The following ACSF2 variants were observed in gnomAD, a reference collection of about 807,000 sequenced individuals.
ACSF2 encodes the protein medium-chain acyl-CoA ligase ACSF2, mitochondrial.
In ACSF2, 52 loss-of-function variants were observed where a neutral mutation model predicts 79.3. The ratio of observed to expected loss-of-function variants is 0.66; its 90% CI spans 0.53 to 0.83. The LOEUF is 0.83. Ranked by LOEUF, ACSF2 falls within the 40% of genes least tolerant of loss-of-function variation. ACSF2 has a pLI of 0.00. For synonymous variants in ACSF2, 283 were observed against 312.6 expected (o/e 0.91, Z 1.00); for missense variants, 661 against 803.3 (o/e 0.82, Z 2.14).
intron 10 of ACSF2, chr17:50,467,840 G>C (rs1316571938): frequency 3.6e-6 from 2 of 558,032 alleles, no homozygotes; most frequent in African/African-American, 3.8e-5. Flanking sequence ...GGAGGGCAGT[G>C]GTCGAGACTG....
At chr17:50,436,171 C>T (rs1007948366) in intron 1 of ACSF2, among the ~76,000 whole-genome samples, 10 of 151,752 alleles carry the variant, frequency 6.6e-5, no homozygotes, top group Admixed American at 3.9e-4. Context: ...GCTCTGTTGC[C>T]CAGGCTGGAG....
intron 1 of ACSF2, among the ~76,000 whole-genome samples, chr17:50,444,689 A>AAGTT (rs2031183379): frequency 6.6e-6 from 1 of 151,892 alleles, no homozygotes; most frequent in Admixed American, 6.6e-5. Flanking sequence ...ATCTGAAAAT[A>AAGTT]AGTTGCAGGC....
intron 1 of ACSF2, among the ~76,000 whole-genome samples, chr17:50,449,049 C>T (rs1287947969): frequency 7.2e-6 from 1 of 138,076 alleles, no homozygotes; most frequent in Non-Finnish European, 1.5e-5. Flanking sequence ...TGGAGTCTCG[C>T]TCTGTCACCC....
At chr17:50,467,951 C>T (rs148107051) in intron 10 of ACSF2, 67 of 1,380,100 alleles carry the variant, frequency 4.9e-5, no homozygotes, top group Admixed American at 1.2e-4. Context: ...AACCTGGGGA[C>T]GGGGGATGGT....
At chr17:50,429,988 G>A (rs1380554383) in intron 1 of ACSF2, among the ~76,000 whole-genome samples, 2 of 152,248 alleles carry the variant, frequency 1.3e-5, no homozygotes, top group Non-Finnish European at 2.9e-5. Context: ...AACCTGGGCT[G>A]AGCAGGCTTC....
chr17:50,432,862 T>C (rs2030058495), intron 1 of ACSF2, among the ~76,000 whole-genome samples: 1 of 152,172 alleles, frequency 6.6e-6, no homozygotes, highest in South Asian at 2.1e-4. Flanking sequence ...GCTCTACCTT[T>C]GGGAGAAGAT....
At chr17:50,443,294 T>C (rs950817709) in intron 1 of ACSF2, among the ~76,000 whole-genome samples, 3 of 152,178 alleles carry the variant, frequency 2.0e-5, no homozygotes, top group Non-Finnish European at 4.4e-5. Flanking sequence ...AAACAGCTTC[T>C]CCCCTTAGAT....
At chr17:50,436,343 T>C (rs988115800) in intron 1 of ACSF2, among the ~76,000 whole-genome samples, 1 of 151,978 alleles carries the variant, frequency 6.6e-6, no homozygotes, top group African/African-American at 2.4e-5. Flanking sequence ...GTTAGCTAAG[T>C]TGGTCTCGAT....
Position 50,474,743 on chromosome 17 carries a change from G to C in ACSF2, c.*191G>C. ...TCGCCTGGGCACAAGGTGCCAAAAGGCAGGCAGCCTGCCCAGGCCCTCCCT... is the reference window on the plus strand; with the variant it reads ...TCGCCTGGGCACAAGGTGCCAAAAGCCAGGCAGCCTGCCCAGGCCCTCCCT... On this transcript the variant is annotated 3_prime_UTR_variant, in exon 16 of 16. Transcript: ENST00000300441. This position sits in a 1 kb window ranked among gnomAD's most constrained non-coding sequence, Gnocchi z 4.2. 1.7e-6 allele frequency: 1 copy of C among 591,880 alleles called. No individual in the cohort carries two copies. The highest frequency in any genetic ancestry group is 2.1e-5 in the South Asian group (1 of 47,060). The allele number at this position is 591,880 out of a possible 1,614,324, so 36.7% of individuals were successfully genotyped here. A position where few individuals can be genotyped will look rare whatever the true frequency, so the allele number is the denominator to read the frequency against.
intron 1 of ACSF2, among the ~76,000 whole-genome samples, chr17:50,451,819 C>T (rs991945918): frequency 1.3e-4 from 20 of 152,150 alleles, no homozygotes; most frequent in African/African-American, 4.8e-4. Flanking sequence ...TTTTAATTTG[C>T]GTTTCATCTG....
At chr17:50,460,588 C>A in intron 1 of ACSF2, 89 bp from the exon 2 acceptor site, 1 of 1,234,184 alleles carries the variant, frequency 8.1e-7, no homozygotes. Context: ...TGTCAGCAGC[C>A]TACCCCCTGG....
chr17:50,433,083 A>G (rs2030079607), intron 1 of ACSF2, among the ~76,000 whole-genome samples: 1 of 151,240 alleles, frequency 6.6e-6, no homozygotes, highest in South Asian at 2.1e-4. Flanking sequence ...ACACACGCAC[A>G]CACACACTTA....
chr17:50,464,168 C>T, intron 9 of ACSF2, 50 bp from the exon 10 acceptor site: 2 of 1,578,712 alleles, frequency 1.3e-6, no homozygotes, highest in Non-Finnish European at 1.7e-6. Context: ...GAAAGGACTC[C>T]ACTGGGCCTG....
intron 10 of ACSF2, among the ~76,000 whole-genome samples, chr17:50,467,005 G>A (rs913826759): frequency 6.6e-6 from 1 of 152,140 alleles, no homozygotes; most frequent in Non-Finnish European, 1.5e-5. Context: ...CTCCACACCC[G>A]CACCCTTTCC....
At chr17:50,465,889 G>A in intron 10 of ACSF2, 1 of 1,613,604 alleles carries the variant, frequency 6.2e-7, no homozygotes, top group Non-Finnish European at 8.5e-7. Context: ...CAAGGTGGGA[G>A]CAAGGTGGGA....
At chr17:50,464,092 A>T in intron 9 of ACSF2, 126 bp from the exon 10 acceptor site, 1 of 1,261,230 alleles carries the variant, frequency 7.9e-7, no homozygotes, top group East Asian at 2.3e-5. Context: ...GCCAGCTGCC[A>T]GGTGTAGGAA....
intron 1 of ACSF2, among the ~76,000 whole-genome samples, chr17:50,436,887 G>T (rs150239389): frequency 6.6e-6 from 1 of 152,162 alleles, no homozygotes; most frequent in East Asian, 1.9e-4. Flanking sequence ...AACAATAGTT[G>T]CACATTGTAA....
At chr17:50,452,573 T>C (rs1233676482) in intron 1 of ACSF2, among the ~76,000 whole-genome samples, 1 of 152,084 alleles carries the variant, frequency 6.6e-6, no homozygotes, top group East Asian at 1.9e-4. Context: ...CATGCAGGGC[T>C]TAATACCTAG....
Position 50,474,095 on chromosome 17 carries a change from C to T in ACSF2, c.1728+91C>T. On this transcript the variant is annotated intron_variant, in intron 14 of 15. Coordinates refer to ENST00000300441, the MANE Select transcript of ACSF2 (RefSeq NM_025149.6). This position sits in a 1 kb window ranked among gnomAD's most constrained non-coding sequence, Gnocchi z 4.2. ...CAGCCCAGGGTGGGGATTGCTCTGC[C>T]CTTGACGAAGCTGACTCCTGGCCAG... 2 of 1,583,726 alleles carry T rather than the reference C, an allele frequency of 1.3e-6. No individual in the cohort carries two copies. The highest frequency in any genetic ancestry group is 1.7e-5 in the Admixed American group (1 of 59,310).
Sources: gnomAD v4.1 joint callset for allele counts (sites outside exome capture counted in the v4.1 genomes callset) on GRCh38, gnomAD v4.1.1 for gene constraint, Gnocchi (gnomAD v3.1) non-coding constraint, MANE v1.5 for transcripts, NCBI Gene and HGNC (gene_info 2026-07-23, HGNC 2026-07-21) for gene names.